The following SPTBN1 variants were observed in gnomAD, a reference collection of about 807,000 sequenced individuals.
The protein encoded by SPTBN1 is spectrin beta chain, non-erythrocytic 1.
A neutral mutation model predicts 266.4 loss-of-function variants in SPTBN1; 32 were observed. The observed-to-expected ratio is 0.12, with a 90% CI of 0.09 to 0.16. SPTBN1 has a LOEUF of 0.16. SPTBN1 is among the 10% of genes least tolerant of loss of function. The pLI, the probability that SPTBN1 is intolerant of heterozygous loss-of-function variation, is 1.00. For synonymous variants in SPTBN1, 1,336 were observed against 1,162.2 expected, an observed-to-expected ratio of 1.15 and a Z score of -3.04; for missense variants, 2,296 against 3,067.1, an observed-to-expected ratio of 0.75 and a Z score of 5.94.
In SPTBN1 at chr2:54,664,191, T is replaced by G; in HGVS notation, c.6421-262T>G. 1 of 384,454 alleles carries G rather than the reference T, an allele frequency of 2.6e-6. No homozygotes were observed. Among genetic ancestry groups the G allele is most frequent in the South Asian group, 6.3e-5 (1 of 15,984 alleles). The allele number at this position is 384,454 out of a possible 1,614,324, so 23.8% of individuals were successfully genotyped here. ...AGGAGATGATCTGAGTTATATTTATTGATCAGAGGAATAGAGTGCAGTAAA... is the reference window on the plus strand; with the variant it reads ...AGGAGATGATCTGAGTTATATTTATGGATCAGAGGAATAGAGTGCAGTAAA... On this transcript the variant is annotated intron_variant, in intron 32 of 35. Transcript: ENST00000356805. The surrounding 1 kb of genome is among the most constrained non-coding windows in gnomAD (Gnocchi z 5.6).
chr2:54,486,112 A>C (rs375152780), intron 1 of SPTBN1, among the ~76,000 whole-genome samples: 22 of 125,884 alleles, frequency 1.7e-4, no homozygotes, highest in South Asian at 1.1e-3. Context: ...GGTCAGCCCC[A>C]CGCCCGGCCA....
In SPTBN1 at chr2:54,653,333, G is replaced by C; in HGVS notation, c.5578-276G>C. ...CAGATATCCCAGGCTGCCTCCAGGG[G>C]ACTTTCCCTGACTAAACTCTCCTGC... On this transcript the variant is annotated intron_variant, in intron 26 of 35. Coordinates refer to ENST00000356805, the MANE Select transcript of SPTBN1 (RefSeq NM_003128.3). This position sits in a 1 kb window ranked among gnomAD's most constrained non-coding sequence, Gnocchi z 5.1. 1 of 385,920 alleles carries C rather than the reference G, an allele frequency of 2.6e-6. No homozygotes were observed. Among genetic ancestry groups the C allele is most frequent in the South Asian group, 4.3e-5 (1 of 23,396 alleles). The allele number at this position is 385,920 out of a possible 1,614,324, so 23.9% of individuals were successfully genotyped here. A position where few individuals can be genotyped will look rare whatever the true frequency, so the allele number is the denominator to read the frequency against.
chr2:54,670,106 A>C lies in SPTBN1; in HGVS notation c.*1537A>C, dbSNP rs535396505. On this transcript the variant is annotated 3_prime_UTR_variant, in exon 36 of 36. Coordinates refer to ENST00000356805, the MANE Select transcript of SPTBN1 (RefSeq NM_003128.3). ...TGTTCCAGTAAAACTATTTAAGGAC[A>C]TAAATTTGAATTTCATATAACTTTG... 2 of 152,362 alleles carry C rather than the reference A, an allele frequency of 1.3e-5. No homozygotes were observed. The highest frequency in any genetic ancestry group is 4.8e-5 in the African/African-American group (2 of 41,570). 9.4% of individuals were successfully genotyped at this position (152,362 alleles called of 1,614,324 possible). A position where few individuals can be genotyped will look rare whatever the true frequency, so the allele number is the denominator to read the frequency against.
chr2:54,580,868 C>T (rs1190698329), intron 2 of SPTBN1, among the ~76,000 whole-genome samples: 3 of 152,036 alleles, frequency 2.0e-5, no homozygotes, highest in Non-Finnish European at 4.4e-5. Context: ...GAGGCTGAGG[C>T]GGACTGATCA....
chr2:54,572,760 C>T (rs1288855990), intron 2 of SPTBN1, among the ~76,000 whole-genome samples: 4 of 152,160 alleles, frequency 2.6e-5, no homozygotes, highest in African/African-American at 9.7e-5. Context: ...AAGTCATACT[C>T]GTTCAGCAGT....
intron 2 of SPTBN1, among the ~76,000 whole-genome samples, chr2:54,581,400 C>G (rs977941206): frequency 4.6e-5 from 7 of 152,114 alleles, no homozygotes; most frequent in African/African-American, 1.7e-4. Context: ...GACTGTCCCA[C>G]TTACCCAGGA....
chr2:54,538,342 A>G (rs1671735784), intron 2 of SPTBN1, among the ~76,000 whole-genome samples: 3 of 152,246 alleles, frequency 2.0e-5, no homozygotes, highest in Admixed American at 6.5e-5. Context: ...AGAACCAAGC[A>G]TCACTCTTAG....
chr2:54,475,107 G>C (rs549425960), intron 1 of SPTBN1, among the ~76,000 whole-genome samples: 1 of 152,328 alleles, frequency 6.6e-6, no homozygotes, highest in East Asian at 1.9e-4. Context: ...TCAGGAGGCC[G>C]AGTCAGGAGA....
Position 54,653,404 on chromosome 2 carries a change from TTAA to T in SPTBN1, c.5578-200_5578-198del. On this transcript the variant is annotated intron_variant, in intron 26 of 35. Coordinates refer to ENST00000356805, the MANE Select transcript of SPTBN1 (RefSeq NM_003128.3). This position sits in a 1 kb window ranked among gnomAD's most constrained non-coding sequence, Gnocchi z 5.1. ...ATTTGTTTTATCATTCATAAAGAAC[TTAA>T]TAATGTAGTTGAACAGATTTATAGA... is the stretch of plus-strand genomic sequence containing the variant. The T allele has an allele frequency of 1.5e-6, 1 of 679,116 alleles. No homozygotes were observed. The highest frequency in any genetic ancestry group is 2.4e-5 in the South Asian group (1 of 41,158). The allele number at this position is 679,116 out of a possible 1,614,324, so 42.1% of individuals were successfully genotyped here. A position where few individuals can be genotyped will look rare whatever the true frequency, so the allele number is the denominator to read the frequency against.
chr2:54,655,850 G>T, intron 28 of SPTBN1, 64 bp from the exon 29 acceptor site: 1 of 1,228,972 alleles, frequency 8.1e-7, no homozygotes. Flanking sequence ...AGTATAAAAT[G>T]ACCCCATCAA....
At chr2:54,532,719 T>G (rs1671331043) in intron 2 of SPTBN1, among the ~76,000 whole-genome samples, 1 of 152,232 alleles carries the variant, frequency 6.6e-6, no homozygotes, top group Non-Finnish European at 1.5e-5. Flanking sequence ...TCATGGAACA[T>G]GCAGTGATTC....
In SPTBN1 at chr2:54,558,300, T is replaced by G; in HGVS notation, c.148+31734T>G. ...ATAGCCTGCATTTCTAATACAATGCTGTTATGCTAATCAGGTGACATCACC... is the reference window on the plus strand; with the variant it reads ...ATAGCCTGCATTTCTAATACAATGCGGTTATGCTAATCAGGTGACATCACC... On this transcript the variant is annotated intron_variant, in intron 2 of 35. Coordinates refer to ENST00000356805, the MANE Select transcript of SPTBN1 (RefSeq NM_003128.3). This position sits in a 1 kb window ranked among gnomAD's most constrained non-coding sequence, Gnocchi z 4.6. 1 of 986,920 alleles carries G rather than the reference T, an allele frequency of 1.0e-6. No individual in the cohort carries two copies. Among genetic ancestry groups the G allele is most frequent in the Non-Finnish European group, 1.2e-6 (1 of 830,938 alleles). 61.1% of individuals were successfully genotyped at this position (986,920 alleles called of 1,614,324 possible). A position where few individuals can be genotyped will look rare whatever the true frequency, so the allele number is the denominator to read the frequency against.
At chr2:54,478,914 G>A (rs200358145) in intron 1 of SPTBN1, among the ~76,000 whole-genome samples, 1 of 151,166 alleles carries the variant, frequency 6.6e-6, no homozygotes, top group East Asian at 1.9e-4. Flanking sequence ...ATATATATGT[G>A]TATATATATA....
At chr2:54,515,087 C>T (rs958517798) in intron 1 of SPTBN1, among the ~76,000 whole-genome samples, 2 of 152,152 alleles carry the variant, frequency 1.3e-5, no homozygotes, top group Admixed American at 6.5e-5. Context: ...ATTTTGCAGA[C>T]CCTGTCCTCG....
rs1225676343 is a variant in SPTBN1, at chr2:54,626,610, T to G, written c.1644+376T>G. On this transcript the variant is annotated intron_variant, in intron 12 of 35. Coordinates refer to ENST00000356805, the MANE Select transcript of SPTBN1 (RefSeq NM_003128.3). This position sits in a 1 kb window ranked among gnomAD's most constrained non-coding sequence, Gnocchi z 4.7. ...GGGCAGGGGTCCCGGAGAGGTGGTATGGGGAGAAGGGAGGAGTGGTAGGTG... is the reference window on the plus strand; with the variant it reads ...GGGCAGGGGTCCCGGAGAGGTGGTAGGGGGAGAAGGGAGGAGTGGTAGGTG... Among the ~76,000 whole-genome samples the G allele has an allele frequency of 6.6e-6, 1 of 152,124 alleles. No individual in the cohort carries two copies. The highest frequency in any genetic ancestry group is 1.5e-5 in the Non-Finnish European group (1 of 68,016).
At chr2:54,496,469 A>T (rs1467277055) in intron 1 of SPTBN1, among the ~76,000 whole-genome samples, 1 of 151,222 alleles carries the variant, frequency 6.6e-6, no homozygotes, top group African/African-American at 2.4e-5. Flanking sequence ...AGTATGAATA[A>T]CAGTAACAGC....
In SPTBN1 at chr2:54,558,239, G is replaced by A. The variant is rs1673011675; in HGVS notation, c.148+31673G>A. The stretch of plus-strand genomic sequence containing the variant: ...CCGTGCGGGACCGGTAGGGGGTCGC[G>A]GGCCGGCTAGGCTCCCCCGCGCCCC... On this transcript the variant is annotated intron_variant, in intron 2 of 35. Coordinates refer to ENST00000356805, the MANE Select transcript of SPTBN1 (RefSeq NM_003128.3). This position sits in a 1 kb window ranked among gnomAD's most constrained non-coding sequence, Gnocchi z 4.6. The A allele has an allele frequency of 1.4e-5, 14 of 985,290 alleles. No homozygotes were observed. Among genetic ancestry groups the A allele is most frequent in the Non-Finnish European group, 1.7e-5 (14 of 829,866 alleles). 61.0% of individuals were successfully genotyped at this position (985,290 alleles called of 1,614,324 possible).
rs1681501743 is a variant in SPTBN1 at position 54,668,211 on chromosome 2, G to A, written c.6877-140G>A. 5 of 718,882 alleles carry A rather than the reference G, an allele frequency of 7.0e-6. No individual in the cohort carries two copies. The South Asian group carries it at 8.8e-5, about 13-fold the overall frequency. 44.5% of individuals were successfully genotyped at this position (718,882 alleles called of 1,614,324 possible). On this transcript the variant is annotated intron_variant, in intron 35 of 35. Coordinates refer to ENST00000356805, the MANE Select transcript of SPTBN1 (RefSeq NM_003128.3). Reference sequence around the variant, plus strand: ...TTCCCTCTCCTGTACTGATAAGGCAGAGGTGCATTTGGGGACAGTGCCCAG... The same window carrying A: ...TTCCCTCTCCTGTACTGATAAGGCAAAGGTGCATTTGGGGACAGTGCCCAG...
Position 54,631,601 on chromosome 2 carries a change from TTAACAACCAGG to T in SPTBN1, c.3558_3564+4del. Reference sequence around the variant, plus strand: ...GACACGAAGCAAGCCGAAGCCTTTCTTAACAACCAGGTAAGGTTTGTTCCTGCCTTTGCTTC... The same window carrying T: ...GACACGAAGCAAGCCGAAGCCTTTCTTAAGGTTTGTTCCTGCCTTTGCTTC... On this transcript the variant is annotated splice_donor_variant and coding_sequence_variant, in exon 16 of 36. Coordinates refer to ENST00000356805, the MANE Select transcript of SPTBN1 (RefSeq NM_003128.3). LOFTEE classifies it high-confidence loss of function. The T allele has an allele frequency of 6.2e-7, 1 of 1,610,426 alleles. No individual in the cohort carries two copies. The highest frequency in any genetic ancestry group is 8.5e-7 in the Non-Finnish European group (1 of 1,178,046).
Sources: allele counts gnomAD v4.1 joint callset (sites outside exome capture counted in the v4.1 genomes callset), GRCh38; gene constraint gnomAD v4.1.1; non-coding constraint Gnocchi (gnomAD v3.1); transcripts MANE v1.5; gene names NCBI Gene and HGNC (gene_info 2026-07-23, HGNC 2026-07-21).